The following PKHD1L1 variants were observed in gnomAD, a reference collection of about 807,000 sequenced individuals.
PKHD1L1 encodes the protein PKHD1 like 1.
Under a neutral mutation model 462.9 loss-of-function variants are expected in PKHD1L1, and 434 were observed. That is an observed-to-expected ratio of 0.94 (90% CI 0.87 to 1.02). The LOEUF (loss-of-function observed/expected upper bound fraction) is 1.02, where lower values mean the gene tolerates loss of function less well. PKHD1L1 is among the 50% of genes least tolerant of loss of function. The probability of loss-of-function intolerance (pLI) is 0.00; values close to 1 mark genes in which losing one functional copy is unlikely to be tolerated. For missense variants in PKHD1L1, 5,202 were observed against 5,096.1 expected, an observed-to-expected ratio of 1.02 and a Z score of -0.63; for synonymous variants, 1,781 against 1,750.0, an observed-to-expected ratio of 1.02 and a Z score of -0.44.
intron 11 of PKHD1L1, 112 bp from the exon 12 acceptor site, chr8:109,398,347 G>T (rs775686924): frequency 1.8e-5 from 12 of 661,310 alleles, no homozygotes; most frequent in Non-Finnish European, 1.1e-5. Flanking sequence ...CCCTAATTTT[G>T]CCTCTTGTTT....
intron 27 of PKHD1L1, among the ~76,000 whole-genome samples, chr8:109,430,897 T>G (rs1432227915): frequency 1.3e-5 from 2 of 152,170 alleles, no homozygotes; most frequent in Non-Finnish European, 2.9e-5. Context: ...AAGGATTTGA[T>G]GAACTTTAAT....
rs1440389750 is a variant in PKHD1L1, at chr8:109,401,498, T to A, written c.1283T>A (p.Val428Glu). ...FSQTGLPEDK[V>E]RIAYHSANAN... ...CTGTCTCTGTCTCTCTCGGATTAGG[T>A]GAGGATTGCATATCATTCTGCTAAT... is the stretch of plus-strand genomic sequence containing the variant. Residue 428 changes from valine (V) to glutamate (E), a missense_variant and splice_region_variant, in exon 14 of 78, where the codon GTG becomes GAG. Coordinates refer to ENST00000378402, the MANE Select transcript of PKHD1L1 (RefSeq NM_177531.6). 6.5e-7 allele frequency: 1 copy of A among 1,540,690 alleles called. No homozygotes were observed. The highest frequency in any genetic ancestry group is 2.3e-5 in the East Asian group (1 of 44,226).
At chr8:109,392,211 G>A (rs537469424) in intron 9 of PKHD1L1, among the ~76,000 whole-genome samples, 3 of 152,226 alleles carry the variant, frequency 2.0e-5, no homozygotes, top group East Asian at 3.9e-4. Context: ...GCTCTTAGTA[G>A]CAACCTTCCC....
chr8:109,486,581 G>A (rs1818538143), intron 58 of PKHD1L1, 67 bp from the exon 59 acceptor site: 2 of 1,463,390 alleles, frequency 1.4e-6, no homozygotes, highest in Non-Finnish European at 1.8e-6. Flanking sequence ...CATATAAACT[G>A]CAAAGGAACT....
rs145106622 is a variant in PKHD1L1 at position 109,445,080 on chromosome 8, A to C, written c.5211A>C (p.Gly1737=). The part of the protein sequence containing the change: ...LIHGVPAQCQ[G]NCTFSYLESI... ...ATGGAGTGCCTGCCCAGTGCCAGGG[A>C]AACTGCACCTTTTCATACTTAGAAA... The change falls in exon 38 of 78, where the codon GGA becomes GGC. Residue 1737 remains glycine, a synonymous_variant. Coordinates refer to ENST00000378402, the MANE Select transcript of PKHD1L1 (RefSeq NM_177531.6). 11 of 1,613,858 alleles carry C rather than the reference A, an allele frequency of 6.8e-6. No individual in the cohort carries two copies. In the African/African-American group the frequency reaches 1.5e-4, roughly 22 times the overall value.
At chr8:109,403,370 C>A (rs751635910) in intron 14 of PKHD1L1, among the ~76,000 whole-genome samples, 1 of 152,046 alleles carries the variant, frequency 6.6e-6, no homozygotes, top group Non-Finnish European at 1.5e-5. Context: ...CCCTCAGTTA[C>A]TAGTTTAAAA....
At chr8:109,446,474 T>G (rs73700892) in intron 38 of PKHD1L1, among the ~76,000 whole-genome samples, 2,277 of 152,340 alleles carry the variant, frequency 0.015, 28 homozygotes, top group Middle Eastern at 0.054. Context: ...AATAGTACAT[T>G]TAATGAAGAA....
Position 109,406,422 on chromosome 8 carries a change from T to C in PKHD1L1, c.1757T>C (p.Ile586Thr). The part of the protein sequence containing the change: ...WSIKPDTVQV[I>T]RTQNPQSYVY... ...ATAAAACCGGACACAGTTCAAGTAA[T>C]AAGAACACAAAATCCCCAGAGCTAT... Residue 586 changes from isoleucine (I) to threonine (T), a missense_variant, in exon 17 of 78, where the codon ATA becomes ACA. Coordinates refer to ENST00000378402, the MANE Select transcript of PKHD1L1 (RefSeq NM_177531.6). 1 of 1,596,068 alleles carries C rather than the reference T, an allele frequency of 6.3e-7. No individual in the cohort carries two copies. The highest frequency in any genetic ancestry group is 8.5e-7 in the Non-Finnish European group (1 of 1,170,600).
intron 63 of PKHD1L1, among the ~76,000 whole-genome samples, chr8:109,494,250 G>A (rs1339470002): frequency 1.3e-5 from 2 of 151,922 alleles, no homozygotes; most frequent in East Asian, 3.9e-4. Flanking sequence ...TACTCTTTTG[G>A]CAAGGCTGTA....
Position 109,532,159 on chromosome 8 carries a change from TTC to T in PKHD1L1, c.*2071_*2072del, listed in dbSNP as rs1358663982. On this transcript the variant is annotated 3_prime_UTR_variant, in exon 78 of 78. Coordinates refer to ENST00000378402, the MANE Select transcript of PKHD1L1 (RefSeq NM_177531.6). ...CACTGGAGTTTTTTGTCAAGATTTT[TTC>T]TGTCAGTTTTTAATAAGGAAATTTT... Among the ~76,000 whole-genome samples, 2 of 152,244 alleles carry T rather than the reference TTC, an allele frequency of 1.3e-5. No individual in the cohort carries two copies. Among genetic ancestry groups the T allele is most frequent in the Non-Finnish European group, 2.9e-5 (2 of 68,042 alleles).
At chr8:109,433,344 C>A in intron 28 of PKHD1L1, 128 bp downstream of exon 28, 1 of 809,860 alleles carries the variant, frequency 1.2e-6, no homozygotes, top group Non-Finnish European at 2.0e-6. Context: ...TATCATGATC[C>A]CTATGGGGTC....
intron 72 of PKHD1L1, among the ~76,000 whole-genome samples, chr8:109,516,427 T>G (rs1820273267): frequency 6.6e-6 from 1 of 152,050 alleles, no homozygotes; most frequent in South Asian, 2.1e-4. Context: ...GGTGTCTCCT[T>G]TTAGAAGGGC....
chr8:109,410,698 A>AT (rs931575826), intron 19 of PKHD1L1, among the ~76,000 whole-genome samples: 1 of 95,642 alleles, frequency 1.0e-5, no homozygotes, highest in Non-Finnish European at 2.2e-5. Context: ...TTTTGTTGGT[A>AT]TTTTCTTTTT....
intron 45 of PKHD1L1, among the ~76,000 whole-genome samples, chr8:109,455,585 G>T (rs555907665): frequency 1.3e-5 from 2 of 152,176 alleles, no homozygotes; most frequent in African/African-American, 4.8e-5. Context: ...TCTTAAATTT[G>T]TATCTGAAAA....
At chr8:109,466,329 A>G (rs1382341609) in intron 49 of PKHD1L1, among the ~76,000 whole-genome samples, 4 of 152,094 alleles carry the variant, frequency 2.6e-5, no homozygotes, top group African/African-American at 9.7e-5. Flanking sequence ...CCCATTTCCA[A>G]GTTTGACTCT....
In PKHD1L1 at chr8:109,420,600, T is replaced by C. The variant is rs766206209; in HGVS notation, c.2607T>C (p.Asn869=). 4.7e-5 allele frequency: 76 copies of C among 1,609,900 alleles called. 1 individual carries two copies. In the South Asian group the frequency reaches 4.9e-4, roughly 10 times the overall value. ...TTCAGGTGAATCAGACCAAAACAAA[T>C]GGGCCAACTATGACAAACCAATATT... ...EHFQVNQTKT[N]GPTMTNQYSV... Residue 869 remains asparagine (N), a synonymous_variant, in exon 23 of 78, where the codon AAT becomes AAC. Transcript: ENST00000378402.
rs777223084 is a variant in PKHD1L1, at chr8:109,444,755, T to C, written c.4886T>C (p.Ile1629Thr). 1 of 1,614,036 alleles carries C rather than the reference T, an allele frequency of 6.2e-7. No individual in the cohort carries two copies. Among genetic ancestry groups the C allele is most frequent in the Non-Finnish European group, 8.5e-7 (1 of 1,179,884 alleles). ...IDPQNSMDVG[I>T]RETVTLTVYN... ...CCTCAAAACTCAATGGATGTTGGTA[T>C]CAGGGAAACTGTCACTTTGACTGTC... Residue 1629 changes from isoleucine to threonine, a missense_variant, in exon 38 of 78, where the codon ATC (isoleucine) becomes ACC (threonine). By Grantham distance (89) the Ile-to-Thr change is moderately conservative. Transcript: ENST00000378402.
intron 2 of PKHD1L1, among the ~76,000 whole-genome samples, chr8:109,369,519 TATC>T (rs1310362296): frequency 6.6e-6 from 1 of 152,166 alleles, no homozygotes; most frequent in Non-Finnish European, 1.5e-5. Context: ...CTGAAAATGA[TATC>T]ATCTTTTGTT....
chr8:109,403,067 T>C (rs937667118), intron 14 of PKHD1L1, among the ~76,000 whole-genome samples: 1 of 152,158 alleles, frequency 6.6e-6, no homozygotes. Context: ...TTTTGGAAAA[T>C]GAGTTCAGTC....
Sources: allele counts gnomAD v4.1 joint callset (sites outside exome capture counted in the v4.1 genomes callset), GRCh38; gene constraint gnomAD v4.1.1; transcripts MANE v1.5; gene names NCBI Gene and HGNC (gene_info 2026-07-23, HGNC 2026-07-21).